EYA1: variants seen among roughly 807,000 people sequenced by gnomAD.
The protein encoded by EYA1 is protein phosphatase EYA1.
EYA1 carries 16 observed loss-of-function variants against 82.0 expected under a neutral mutation model. The observed-to-expected ratio is 0.20, with a 90% CI of 0.13 to 0.30. The LOEUF (loss-of-function observed/expected upper bound fraction) is 0.30, where lower values mean the gene tolerates loss of function less well. EYA1 is among the 10% of genes least tolerant of loss of function. EYA1 has a pLI of 1.00. For synonymous variants in EYA1, 261 were observed against 264.4 expected, an observed-to-expected ratio of 0.99 and a Z score of 0.12; for missense variants, 633 against 730.7, an observed-to-expected ratio of 0.87 and a Z score of 1.54.
chr8:71,522,916 G>A (rs991634318), intron 2 of EYA1, among the ~76,000 whole-genome samples: 6 of 152,022 alleles, frequency 3.9e-5, no homozygotes, highest in Admixed American at 6.5e-5. Flanking sequence ...GACCTCAAGC[G>A]TTTTGGCAAC....
chr8:71,363,156 C>G (rs371687267), upstream of EYA1, among the ~76,000 whole-genome samples: 14 of 151,818 alleles, frequency 9.2e-5, no homozygotes, highest in East Asian at 7.8e-4. Context: ...AAAAAAAAAG[C>G]GTCCTCATTT....
chr8:71,212,935 G>C (rs1808703194), intron 16 of EYA1, among the ~76,000 whole-genome samples: 2 of 152,092 alleles, frequency 1.3e-5, no homozygotes, highest in South Asian at 4.2e-4. Context: ...AAATTAGCTG[G>C]GCATGGTGGT....
chr8:71,199,075 T>C lies in EYA1; in HGVS notation c.*265A>G, dbSNP rs1806600254. On this transcript the variant is annotated 3_prime_UTR_variant, in exon 18 of 18. Coordinates refer to ENST00000340726, the MANE Select transcript of EYA1 (RefSeq NM_000503.6). ...TCTTCACAGGTTTGAACCGTGTAGTTAATGTGGCAGACACATAACGCTGTG... is the reference window on the plus strand; with the variant it reads ...TCTTCACAGGTTTGAACCGTGTAGTCAATGTGGCAGACACATAACGCTGTG... 1.9e-6 allele frequency: 1 copy of C among 525,472 alleles called. No homozygotes were observed. The highest frequency in any genetic ancestry group is 1.9e-5 in the African/African-American group (1 of 52,438). The allele number at this position is 525,472 out of a possible 1,614,324, so 32.6% of individuals were successfully genotyped here.
chr8:71,397,673 G>C (rs1829708826), intron 2 of EYA1, among the ~76,000 whole-genome samples: 1 of 152,124 alleles, frequency 6.6e-6, no homozygotes, highest in South Asian at 2.1e-4. Flanking sequence ...TAGTCTGATG[G>C]GCTTCCCTTT....
chr8:71,320,995 T>C (rs7817782), intron 6 of EYA1, among the ~76,000 whole-genome samples: 12,961 of 152,254 alleles, frequency 0.085, 1,087 homozygotes, highest in East Asian at 0.44. Flanking sequence ...GTGTTTCTAT[T>C]CAGTTCAATC....
At chr8:71,373,741 T>G (rs1828211415) in intron 2 of EYA1, among the ~76,000 whole-genome samples, 1 of 152,054 alleles carries the variant, frequency 6.6e-6, no homozygotes, top group African/African-American at 2.4e-5. Context: ...TCAAACTGTA[T>G]TACAAAGTTA....
intron 11 of EYA1, among the ~76,000 whole-genome samples, chr8:71,259,506 G>T (rs927334902): frequency 3.9e-5 from 6 of 152,192 alleles, no homozygotes; most frequent in Non-Finnish European, 5.9e-5. Context: ...CTGGAGAAAG[G>T]TAGAGTTATG....
intron 11 of EYA1, among the ~76,000 whole-genome samples, chr8:71,248,449 T>C (rs1813364561): frequency 6.6e-6 from 1 of 152,232 alleles, no homozygotes; most frequent in African/African-American, 2.4e-5. Flanking sequence ...AAGATTTTGC[T>C]CACTGTGTGG....
At chr8:71,470,774 C>T in intron 2 of EYA1, 1 of 433,892 alleles carries the variant, frequency 2.3e-6, no homozygotes, top group Non-Finnish European at 4.5e-6. Context: ...ACAGACTTAA[C>T]ACTGTGTGGC....
chr8:71,485,401 G>T (rs528296215), intron 2 of EYA1, among the ~76,000 whole-genome samples: 2 of 151,910 alleles, frequency 1.3e-5, no homozygotes, highest in African/African-American at 4.8e-5. Context: ...CAAAGTTAGG[G>T]GGACATAAAA....
intron 2 of EYA1, among the ~76,000 whole-genome samples, chr8:71,386,957 T>C (rs1337953083): frequency 6.6e-6 from 1 of 152,210 alleles, no homozygotes; most frequent in Non-Finnish European, 1.5e-5. Context: ...AACATGGAAT[T>C]TATTGAGCAG....
intron 11 of EYA1, among the ~76,000 whole-genome samples, chr8:71,255,663 T>C (rs1814325998): frequency 6.6e-6 from 1 of 152,172 alleles, no homozygotes; most frequent in Non-Finnish European, 1.5e-5. Flanking sequence ...CTTCATGACA[T>C]TGGATTTGTC....
intron 2 of EYA1, among the ~76,000 whole-genome samples, chr8:71,367,318 A>G (rs1319608987): frequency 6.6e-6 from 1 of 152,140 alleles, no homozygotes; most frequent in Non-Finnish European, 1.5e-5. Context: ...AATAGTTATT[A>G]TATCATAAAC....
At chr8:71,273,208 T>A (rs7816563) in intron 9 of EYA1, among the ~76,000 whole-genome samples, 4,762 of 152,326 alleles carry the variant, frequency 0.031, 244 homozygotes, top group African/African-American at 0.11. Flanking sequence ...ACTTCTTCTA[T>A]AACAAGATGG....
At chr8:71,406,006 T>A (rs895912809) in intron 2 of EYA1, among the ~76,000 whole-genome samples, 1 of 152,172 alleles carries the variant, frequency 6.6e-6, no homozygotes, top group African/African-American at 2.4e-5. Context: ...AAATCCAGAC[T>A]GTGGCAAACT....
At chr8:71,466,340 GTTTTTTTGAAAAGC>G (rs1054795905) in intron 2 of EYA1, among the ~76,000 whole-genome samples, 21 of 152,002 alleles carry the variant, frequency 1.4e-4, no homozygotes, top group Non-Finnish European at 2.9e-4. Flanking sequence ...CTTCTGAAAA[GTTTTTTTGAAAAGC>G]TTTTTTTGAA....
intron 4 of EYA1, among the ~76,000 whole-genome samples, chr8:71,330,888 T>G (rs1357255855): frequency 4.0e-5 from 6 of 151,758 alleles, no homozygotes; most frequent in African/African-American, 9.7e-5. Context: ...TGCATACGCA[T>G]ATGTACCTCA....
At chr8:71,457,162 G>A (rs1394625871) in intron 2 of EYA1, among the ~76,000 whole-genome samples, 1 of 152,196 alleles carries the variant, frequency 6.6e-6, no homozygotes, top group African/African-American at 2.4e-5. Context: ...ATGAAAAAAT[G>A]CTCATCATCA....
intron 7 of EYA1, among the ~76,000 whole-genome samples, chr8:71,310,614 A>G (rs1197410335): frequency 6.6e-6 from 1 of 152,192 alleles, no homozygotes; most frequent in Non-Finnish European, 1.5e-5. Flanking sequence ...GTATAGCTGC[A>G]TAATATTCCA....
Sources: gnomAD v4.1 joint callset for allele counts (sites outside exome capture counted in the v4.1 genomes callset) on GRCh38, gnomAD v4.1.1 for gene constraint, MANE v1.5 for transcripts, NCBI Gene and HGNC (gene_info 2026-07-23, HGNC 2026-07-21) for gene names.